The following POLE variants were observed in gnomAD, a reference collection of about 807,000 sequenced individuals.
POLE encodes the protein DNA polymerase epsilon, catalytic subunit, also known as DNA polymerase epsilon catalytic subunit A.
POLE carries 188 observed loss-of-function variants against 279.2 expected under a neutral mutation model. The observed-to-expected ratio is 0.67, with a 90% CI of 0.60 to 0.76. The LOEUF (loss-of-function observed/expected upper bound fraction) is 0.76. POLE is among the 30% of genes least tolerant of loss of function. POLE has a pLI of 0.00. For missense variants in POLE, 2,703 were observed against 3,016.7 expected, an observed-to-expected ratio of 0.90 and a Z score of 2.44; for synonymous variants, 1,214 against 1,172.5, an observed-to-expected ratio of 1.04 and a Z score of -0.72.
chr12:132,678,109 C>T (rs1018716516), intron 6 of POLE, among the ~76,000 whole-genome samples: 5 of 152,060 alleles, frequency 3.3e-5, no homozygotes, highest in Non-Finnish European at 7.4e-5. Flanking sequence ...ACCCAGGAGG[C>T]GGAGGTTGCA....
Position 132,649,531 on chromosome 12 carries a change from A to T in POLE, c.3796-16T>A, listed in dbSNP as rs2138610754. 6.2e-7 allele frequency: 1 copy of T among 1,610,574 alleles called. No homozygotes were observed. The highest frequency in any genetic ancestry group is 8.5e-7 in the Non-Finnish European group (1 of 1,178,508). On this transcript the variant is annotated splice_polypyrimidine_tract_variant and intron_variant, in intron 30 of 48. Coordinates refer to ENST00000320574, the MANE Select transcript of POLE (RefSeq NM_006231.4). ...GCCATTCCTCCTGGGATGGATGGTG[A>T]GCACAGCCAGTGTGCAAGTGGTGAG...
intron 1 of POLE, 64 bp from the exon 2 acceptor site, chr12:132,681,343 CTTTT>C (rs71453158): frequency 4.6e-6 from 7 of 1,522,902 alleles, no homozygotes; most frequent in African/African-American, 4.2e-5. Flanking sequence ...TTCTTTTTTT[CTTTT>C]TTTTCTTTTT....
At chr12:132,657,319 C>G in intron 28 of POLE, 30 bp downstream of exon 28, 1 of 1,614,064 alleles carries the variant, frequency 6.2e-7, no homozygotes, top group Non-Finnish European at 8.5e-7. Flanking sequence ...TTTTTAGCCC[C>G]ACAGCCCGTG....
chr12:132,672,551 T>C (rs1593070272), intron 15 of POLE, 76 bp downstream of exon 15: 1 of 1,450,474 alleles, frequency 6.9e-7, no homozygotes. Flanking sequence ...AGGGGCTTTA[T>C]TTCAGCCCCT....
chr12:132,646,666 T>C (rs2042290994), intron 32 of POLE, among the ~76,000 whole-genome samples: 1 of 151,804 alleles, frequency 6.6e-6, no homozygotes, highest in Non-Finnish European at 1.5e-5. Context: ...ACCCCATCTC[T>C]ACTAAAAAAT....
Position 132,661,103 on chromosome 12 carries a change from G to A in POLE, c.2926C>T (p.Arg976Cys), listed in dbSNP as rs1060500820. The A allele has an allele frequency of 1.2e-6, 2 of 1,613,898 alleles. No homozygotes were observed. The highest frequency in any genetic ancestry group is 1.7e-5 in the Admixed American group (1 of 59,998). ...ATCTTAATCAGCTGCAGTTCCCCGC[G>A]GCGTTTGACCTCAAAGCCCTTGAGC... ...AELKGFEVKR[R>C]GELQLIKIFQ... The change falls in exon 25 of 49, where the codon CGC (arginine) becomes TGC (cysteine). Residue 976 changes from arginine to cysteine, a missense_variant. Physicochemically the swap from Arg to Cys is radical, Grantham distance 180. Around this residue, in one of 5 missense-constraint regions of POLE, gnomAD observed 19 missense variants for 51.5 expected, o/e 0.37. Coordinates refer to ENST00000320574, the MANE Select transcript of POLE (RefSeq NM_006231.4). The surrounding 1 kb of genome is among the most constrained non-coding windows in gnomAD (Gnocchi z 4.1).
At position 132,634,261 on chromosome 12, in the gene POLE, C is replaced by A; in HGVS notation, c.5929G>T (p.Glu1977Ter). The stretch of plus-strand genomic sequence containing the variant: ...AACTGCAAAATGTTCCAGTTGTTTT[C>A]CAGTAAATCCTCCACGTTGGATTCC... ...AEESNVEDLL[E>*]NNWNILQFLP... Residue 1977 changes from glutamate to a stop codon, truncating the protein, a stop_gained, in exon 43 of 49, where the codon GAA becomes TAA. Coordinates refer to ENST00000320574, the MANE Select transcript of POLE (RefSeq NM_006231.4). LOFTEE classifies it high-confidence loss of function. This position sits in a 1 kb window ranked among gnomAD's most constrained non-coding sequence, Gnocchi z 4.0. The A allele has an allele frequency of 6.2e-7, 1 of 1,614,200 alleles. No homozygotes were observed. Among genetic ancestry groups the A allele is most frequent in the Non-Finnish European group, 8.5e-7 (1 of 1,180,010 alleles).
Position 132,680,210 on chromosome 12 carries a change from A to G in POLE, c.298T>C (p.Tyr100His). Reference protein sequence around the residue: ...DGSRFKVALPYKPYFYIATRK... With the variant: ...DGSRFKVALPHKPYFYIATRK... ...GTCGCAATGTAGAAATACGGTTTAT[A>G]GGGCAAAGCCACCTGTTAAGAGTCA... The change falls in exon 4 of 49, where the codon TAT becomes CAT. Residue 100 changes from tyrosine to histidine, a missense_variant. Around this residue, in one of 5 missense-constraint regions of POLE, gnomAD observed 1,011 missense variants for 1,111.7 expected, o/e 0.91. Coordinates refer to ENST00000320574, the MANE Select transcript of POLE (RefSeq NM_006231.4). 6.2e-7 allele frequency: 1 copy of G among 1,614,140 alleles called. No individual in the cohort carries two copies. The highest frequency in any genetic ancestry group is 8.5e-7 in the Non-Finnish European group (1 of 1,179,944).
At chr12:132,678,769 G>A (rs1307220208) in intron 6 of POLE, among the ~76,000 whole-genome samples, 1 of 152,128 alleles carries the variant, frequency 6.6e-6, no homozygotes, top group Admixed American at 6.5e-5. Flanking sequence ...CCACCATTGC[G>A]GCCACTATTG....
Position 132,677,708 on chromosome 12 carries a change from C to G in POLE, c.590G>C (p.Arg197Thr), listed in dbSNP as rs528361482. The G allele has an allele frequency of 3.2e-5, 51 of 1,613,944 alleles. No homozygotes were observed. The highest frequency in any genetic ancestry group is 4.2e-5 in the Non-Finnish European group (50 of 1,179,970). Residue 197 changes from arginine to threonine, a missense_variant, in exon 7 of 49, where the codon AGG (arginine) becomes ACG (threonine). Physicochemically the swap from Arg to Thr is moderately conservative, Grantham distance 71. This residue lies in a region of POLE where 1,011 missense variants were observed against 1,111.7 expected (regional missense o/e 0.91). Coordinates refer to ENST00000320574, the MANE Select transcript of POLE (RefSeq NM_006231.4). ...YTALLSSVLQ[R>T]GGVITDEEET... ...CTCTTCATCAGTAATGACACCGCCC[C>G]TCTGCAGAACACTAGGAATTAACAA...
chr12:132,648,863 T>TAGA, intron 32 of POLE, 66 bp downstream of exon 32: 1 of 1,537,642 alleles, frequency 6.5e-7, no homozygotes, highest in Non-Finnish European at 8.9e-7. Flanking sequence ...GAGGCCAGGC[T>TAGA]AGATCATGGG....
chr12:132,653,426 T>A (rs2042466141), intron 29 of POLE, among the ~76,000 whole-genome samples: 1 of 152,258 alleles, frequency 6.6e-6, no homozygotes, highest in Admixed American at 6.5e-5. Flanking sequence ...CACACATTGT[T>A]ACCATGAATT....
At chr12:132,658,881 CAAAAAAAAAAAAAAAA>C (rs1167117347) in intron 26 of POLE, among the ~76,000 whole-genome samples, 1 of 33,840 alleles carries the variant, frequency 3.0e-5, no homozygotes, top group African/African-American at 1.0e-4. Context: ...ATATAACCAC[CAAAAAAAAAAAAAAAA>C]AAAAAAAAAA....
At chr12:132,629,036 T>C (rs868122611) in intron 45 of POLE, among the ~76,000 whole-genome samples, 1 of 152,364 alleles carries the variant, frequency 6.6e-6, no homozygotes, top group Middle Eastern at 3.4e-3. Flanking sequence ...ATGGCAGCTA[T>C]AGCCTCATGA....
At chr12:132,641,001 T>C (rs1396924738) in intron 39 of POLE, 3 of 456,610 alleles carry the variant, frequency 6.6e-6, no homozygotes, top group African/African-American at 6.0e-5. Flanking sequence ...TACAAAGACT[T>C]GTTTTTGAGC....
chr12:132,670,424 T>A (rs542459561), intron 16 of POLE, among the ~76,000 whole-genome samples: 1 of 151,460 alleles, frequency 6.6e-6, no homozygotes, highest in South Asian at 2.1e-4. Context: ...TTTTTTTGTA[T>A]TTTTAGTAGA....
At position 132,680,046 on chromosome 12, in the gene POLE, C is replaced by T; in HGVS notation, c.331G>A (p.Gly111Ser). 6 of 1,613,188 alleles carry T rather than the reference C, an allele frequency of 3.7e-6. No individual in the cohort carries two copies. The highest frequency in any genetic ancestry group is 5.1e-6 in the Non-Finnish European group (6 of 1,179,424). ...KPYFYIATRK[G>S]CEREVSSFLS... ...AAAGATGAAACTTCTCGCTCACAACCCTAATCAGGATCAGAATGAAAAGGC... is the reference window on the plus strand; with the variant it reads ...AAAGATGAAACTTCTCGCTCACAACTCTAATCAGGATCAGAATGAAAAGGC... The change falls in exon 5 of 49, where the codon GGT (glycine) becomes AGT (serine). Residue 111 changes from glycine (G) to serine (S), a missense_variant and splice_region_variant. Gly to Ser is a moderately conservative substitution (Grantham distance 56). This residue lies in a region of POLE where 1,011 missense variants were observed against 1,111.7 expected (regional missense o/e 0.91). Transcript: ENST00000320574.
intron 12 of POLE, among the ~76,000 whole-genome samples, chr12:132,674,514 C>T (rs1165370705): frequency 1.3e-5 from 2 of 152,146 alleles, no homozygotes; most frequent in African/African-American, 4.8e-5. Context: ...CCTCAAGCCC[C>T]TTCTCTACCC....
At chr12:132,626,634 C>T (rs185268626) in intron 45 of POLE, among the ~76,000 whole-genome samples, 206 of 152,126 alleles carry the variant, frequency 1.4e-3, no homozygotes, top group Middle Eastern at 0.01. Context: ...AACCAAAGAC[C>T]GTACTAAGAA....
Sources: allele counts gnomAD v4.1 joint callset (sites outside exome capture counted in the v4.1 genomes callset), GRCh38; gene constraint gnomAD v4.1.1; regional missense constraint gnomAD v4.1.1; non-coding constraint Gnocchi (gnomAD v3.1); transcripts MANE v1.5; gene names NCBI Gene and HGNC (gene_info 2026-07-23, HGNC 2026-07-21).